The following DCC variants were observed in gnomAD, a reference collection of about 807,000 sequenced individuals.
The protein encoded by DCC is DCC netrin 1 receptor, also known as netrin receptor DCC.
A neutral mutation model predicts 172.5 loss-of-function variants in DCC; 58 were observed. That is an observed-to-expected ratio of 0.34 (90% CI 0.27 to 0.42). The LOEUF is 0.42. DCC is among the 10% of genes least tolerant of loss of function. The pLI is 1.00. For missense variants in DCC, 1,740 were observed against 1,791.0 expected (o/e 0.97, Z 0.51); for synonymous variants, 709 against 644.5 (o/e 1.10, Z -1.52).
chr18:53,132,138 A>T (rs1016196717), intron 7 of DCC, among the ~76,000 whole-genome samples: 1 of 151,842 alleles, frequency 6.6e-6, no homozygotes, highest in African/African-American at 2.4e-5. Context: ...ATAATCACCA[A>T]CTGCCAAATT....
chr18:53,399,523 A>G (rs901013416), intron 18 of DCC, among the ~76,000 whole-genome samples: 31 of 152,120 alleles, frequency 2.0e-4, no homozygotes, highest in Non-Finnish European at 3.8e-4. Context: ...TACAATTCCT[A>G]TGGCTGAAAT....
rs1041755092 is a variant in DCC at position 52,802,651 on chromosome 18, T to A, written c.412+50277T>A. On this transcript the variant is annotated intron_variant, in intron 2 of 28. Coordinates refer to ENST00000442544, the MANE Select transcript of DCC (RefSeq NM_005215.4). ...ACATCACCACGCCAAGCCTTTTTTT[T>A]TTTTTTTTTTTTTTTTTTTTTTTTT... 1.4e-4 allele frequency among the ~76,000 whole-genome samples: 7 copies of A among 50,828 alleles called. No individual in the cohort carries two copies. The South Asian group carries it at 7.0e-3, about 51-fold the overall frequency. The allele number at this position is 50,828 out of a possible 152,430, so 33.3% of individuals were successfully genotyped here.
chr18:52,987,148 A>G (rs117745473), intron 5 of DCC, among the ~76,000 whole-genome samples: 8 of 152,286 alleles, frequency 5.3e-5, no homozygotes, highest in Non-Finnish European at 8.8e-5. Flanking sequence ...AAGATTAAAA[A>G]CAAAACCCAA....
chr18:53,206,865 G>A (rs1244674007), intron 10 of DCC, among the ~76,000 whole-genome samples: 1 of 151,370 alleles, frequency 6.6e-6, no homozygotes, highest in Non-Finnish European at 1.5e-5. Context: ...TGCATGATCA[G>A]AATTTTTACT....
Position 53,207,807 on chromosome 18 carries a change from A to G in DCC, c.1851A>G (p.Thr617=). Residue 617 remains threonine, a synonymous_variant, in exon 11 of 29, where the codon ACA becomes ACG. Transcript: ENST00000442544. ...CTACTGATGATATAACAGTGGTTAC[A>G]CTTTCTGACGGTAAGTTAAAAACAG... ...GVSTDDITVV[T]LSDVPSAPPQ... is the part of the protein sequence containing the mutation. 6.2e-7 allele frequency: 1 copy of G among 1,612,404 alleles called. No homozygotes were observed. The highest frequency in any genetic ancestry group is 2.2e-5 in the East Asian group (1 of 44,856).
At chr18:52,610,366 C>A (rs1190326189) in intron 1 of DCC, among the ~76,000 whole-genome samples, 13 of 94,994 alleles carry the variant, frequency 1.4e-4, no homozygotes, top group Admixed American at 1.7e-4. Context: ...GGTGAGAGAG[C>A]GAGACTCTGT....
intron 21 of DCC, among the ~76,000 whole-genome samples, chr18:53,426,994 G>A (rs915433181): frequency 6.6e-6 from 1 of 152,032 alleles, no homozygotes; most frequent in Non-Finnish European, 1.5e-5. Flanking sequence ...CGGGATGCTT[G>A]GCAAATTTGC....
At chr18:53,493,442 A>G (rs2045982199) in intron 26 of DCC, among the ~76,000 whole-genome samples, 1 of 152,200 alleles carries the variant, frequency 6.6e-6, no homozygotes, top group Non-Finnish European at 1.5e-5. Context: ...TTGCCCATTC[A>G]GTATGATATT....
intron 5 of DCC, among the ~76,000 whole-genome samples, chr18:52,939,528 C>G (rs1326779680): frequency 6.6e-6 from 1 of 152,080 alleles, no homozygotes; most frequent in Non-Finnish European, 1.5e-5. Flanking sequence ...TAAATAAACT[C>G]TGAATGATTT....
intron 12 of DCC, among the ~76,000 whole-genome samples, chr18:53,216,853 C>T (rs1215251683): frequency 6.6e-6 from 1 of 152,042 alleles, no homozygotes; most frequent in South Asian, 2.1e-4. Context: ...ATTAACATAA[C>T]CCTACAAATG....
chr18:52,740,054 C>T (rs1599063720), intron 1 of DCC, among the ~76,000 whole-genome samples: 2 of 152,290 alleles, frequency 1.3e-5, no homozygotes, highest in South Asian at 4.1e-4. Context: ...ATTTCTTCAT[C>T]TTTCAGTTTC....
intron 1 of DCC, among the ~76,000 whole-genome samples, chr18:52,369,309 A>G (rs1020836547): frequency 2.0e-5 from 3 of 150,388 alleles, no homozygotes; most frequent in African/African-American, 7.4e-5. Context: ...ATCCTTCAAT[A>G]GTTAGATTTT....
At chr18:52,486,126 C>T (rs1359696359) in intron 1 of DCC, among the ~76,000 whole-genome samples, 1 of 151,966 alleles carries the variant, frequency 6.6e-6, no homozygotes, top group Non-Finnish European at 1.5e-5. Context: ...TCCTGAGTAG[C>T]GATATTTATT....
At chr18:53,020,202 A>T (rs1455131587) in intron 5 of DCC, among the ~76,000 whole-genome samples, 1 of 151,962 alleles carries the variant, frequency 6.6e-6, no homozygotes, top group Non-Finnish European at 1.5e-5. Flanking sequence ...ACTTTCAAAT[A>T]AAAAAAACCC....
rs1395400388 is a variant in DCC at position 53,533,343 on chromosome 18, G to A, written c.*2690G>A. On this transcript the variant is annotated 3_prime_UTR_variant, in exon 29 of 29. Transcript: ENST00000442544. ...CATAACTCTCTCTGATTCCCATTGG[G>A]TGATACCTGACAGCCAACCAGCCGC... The A allele has an allele frequency of 6.6e-6, 1 of 152,002 alleles. No individual in the cohort carries two copies. Among genetic ancestry groups the A allele is most frequent in the Non-Finnish European group, 1.5e-5 (1 of 68,004 alleles). 9.4% of individuals were successfully genotyped at this position (152,002 alleles called of 1,614,324 possible).
intron 5 of DCC, among the ~76,000 whole-genome samples, chr18:52,929,134 A>G (rs539218001): frequency 1.7e-4 from 26 of 152,222 alleles, no homozygotes; most frequent in Non-Finnish European, 2.8e-4. Context: ...AGAAAATATC[A>G]GTATTGAGGC....
At chr18:52,894,273 C>A (rs1217410867) in intron 2 of DCC, among the ~76,000 whole-genome samples, 1 of 151,948 alleles carries the variant, frequency 6.6e-6, no homozygotes, top group Non-Finnish European at 1.5e-5. Flanking sequence ...ACTATGAACT[C>A]TTTGAGGAAA....
intron 22 of DCC, among the ~76,000 whole-genome samples, chr18:53,446,124 A>AAAAAAAAAAAAAAAAAAAAAAAAAC (rs369426007): frequency 1.7e-5 from 2 of 117,174 alleles, no homozygotes; most frequent in Admixed American, 9.3e-5. Flanking sequence ...ACAAAAAAAA[A>AAAAAAAAAAAAAAAAAAAAAAAAAC]CACTTAAAAA....
chr18:53,183,971 G>C (rs913437906), intron 9 of DCC, among the ~76,000 whole-genome samples: 1 of 149,138 alleles, frequency 6.7e-6, no homozygotes, highest in Non-Finnish European at 1.5e-5. Context: ...TAACACGTGG[G>C]CAGCCACTGG....
Sources: allele counts gnomAD v4.1 joint callset (sites outside exome capture counted in the v4.1 genomes callset), GRCh38; gene constraint gnomAD v4.1.1; transcripts MANE v1.5; gene names NCBI Gene and HGNC (gene_info 2026-07-23, HGNC 2026-07-21).